The following ATXN7 variants were observed in gnomAD, a reference collection of about 807,000 sequenced individuals.
The protein encoded by ATXN7 is ataxin 7.
A neutral mutation model predicts 70.5 loss-of-function variants in ATXN7; 12 were observed. The observed-to-expected ratio is 0.17, with a 90% CI of 0.11 to 0.28. ATXN7 has a LOEUF of 0.28. Among genes scored for constraint, ATXN7 ranks in the 10% least tolerant of loss-of-function variants. The probability of loss-of-function intolerance (pLI) is 1.00; values close to 1 mark genes in which losing one functional copy is unlikely to be tolerated. For synonymous variants in ATXN7, 498 were observed against 448.7 expected (o/e 1.11, Z -1.39); for missense variants, 1,256 against 1,131.7 (o/e 1.11, Z -1.58).
intron 4 of ATXN7, among the ~76,000 whole-genome samples, chr3:63,923,217 C>G (rs1704572397): frequency 6.6e-6 from 1 of 152,210 alleles, no homozygotes; most frequent in Non-Finnish European, 1.5e-5. Flanking sequence ...GAGGATACAA[C>G]TCCACAGAAG....
chr3:63,892,495 CCACA>C (rs376915162), intron 1 of ATXN7, among the ~76,000 whole-genome samples: 15 of 126,844 alleles, frequency 1.2e-4, no homozygotes, highest in African/African-American at 1.6e-4. Flanking sequence ...ACACACACAC[CCACA>C]CACACACACA....
chr3:63,981,891 G>A (rs975369181), intron 6 of ATXN7, among the ~76,000 whole-genome samples: 2 of 152,204 alleles, frequency 1.3e-5, no homozygotes, highest in African/African-American at 2.4e-5. Flanking sequence ...TATAGAAATT[G>A]CATTGCATTG....
At position 63,912,863 on chromosome 3, in the gene ATXN7, G is replaced by C; in HGVS notation, c.265G>C (p.Val89Leu). Residue 89 changes from valine (V) to leucine (L), a missense_variant, in exon 3 of 13, where the codon GTG becomes CTG. Physicochemically the swap from Val to Leu is conservative, Grantham distance 32. Transcript: ENST00000674280. ...GCGCAGGCCTCTGCCCAGTCCTGAAGTGATGCTGGGACAGTCGTGGAATCT... is the reference window on the plus strand; with the variant it reads ...GCGCAGGCCTCTGCCCAGTCCTGAACTGATGCTGGGACAGTCGTGGAATCT... ...GERRPLPSPE[V>L]MLGQSWNLWV... The C allele has an allele frequency of 6.2e-7, 1 of 1,613,452 alleles. No homozygotes were observed. Among genetic ancestry groups the C allele is most frequent in the South Asian group, 1.1e-5 (1 of 91,084 alleles).
chr3:63,982,491 A>G lies in ATXN7; in HGVS notation c.1012+46A>G, dbSNP rs977399329. On this transcript the variant is annotated intron_variant, in intron 7 of 12. Coordinates refer to ENST00000674280, the MANE Select transcript of ATXN7 (RefSeq NM_001377405.1). ...TTCATAATGCTTCTCTATATATTAA[A>G]TGGGCATTCGTGGGGAGCAAATCAA... The G allele has an allele frequency of 6.1e-6, 9 of 1,480,670 alleles. No individual in the cohort carries two copies. In the African/African-American group the frequency reaches 9.9e-5, roughly 16 times the overall value. The allele number at this position is 1,480,670 out of a possible 1,614,324, so 91.7% of individuals were successfully genotyped here. A position where few individuals can be genotyped will look rare whatever the true frequency, so the allele number is the denominator to read the frequency against.
chr3:63,882,776 G>A (rs191255439), intron 1 of ATXN7, among the ~76,000 whole-genome samples: 1 of 152,038 alleles, frequency 6.6e-6, no homozygotes, highest in African/African-American at 2.4e-5. Context: ...ATGATTTTAG[G>A]ATCTTAGAAA....
At chr3:63,869,854 C>G (rs1231091595) in intron 1 of ATXN7, among the ~76,000 whole-genome samples, 3 of 152,270 alleles carry the variant, frequency 2.0e-5, no homozygotes, top group Non-Finnish European at 1.5e-5. Context: ...GGCAGGTATC[C>G]CAACATCTTG....
chr3:63,909,146 A>G (rs996800718), intron 2 of ATXN7, among the ~76,000 whole-genome samples: 4 of 152,196 alleles, frequency 2.6e-5, no homozygotes, highest in African/African-American at 9.7e-5. Flanking sequence ...AAAATGAATT[A>G]TTACTTAAGT....
intron 1 of ATXN7, among the ~76,000 whole-genome samples, chr3:63,870,782 A>G (rs973657940): frequency 6.6e-6 from 1 of 152,074 alleles, no homozygotes; most frequent in Non-Finnish European, 1.5e-5. Context: ...TTCTTTCCTA[A>G]AGGAAATCTG....
At position 63,989,968 on chromosome 3, in the gene ATXN7, TG is replaced by T. The variant is rs35456266; in HGVS notation, c.1362-206del. On this transcript the variant is annotated intron_variant, in intron 9 of 12. Coordinates refer to ENST00000674280, the MANE Select transcript of ATXN7 (RefSeq NM_001377405.1). Reference sequence around the variant, plus strand: ...CGTTCTAAGTTACCTTGATTGTATCTGGCAAACAGCTGAACTTAACATCCTG... The same window carrying T: ...CGTTCTAAGTTACCTTGATTGTATCTGCAAACAGCTGAACTTAACATCCTG... 6.3e-3 allele frequency among the ~76,000 whole-genome samples: 955 copies of T among 152,322 alleles called. 9 individuals carry two copies. Among genetic ancestry groups the T allele is most frequent in the African/African-American group, 0.021 (885 of 41,568 alleles).
intron 9 of ATXN7, chr3:63,988,567 G>C (rs1287508075): frequency 2.8e-5 from 14 of 494,934 alleles, no homozygotes; most frequent in South Asian, 2.2e-4. Flanking sequence ...CTCTATACTT[G>C]CTGAACATCA....
At chr3:63,902,093 A>T (rs866560323) in intron 2 of ATXN7, 1 of 152,198 alleles carries the variant, frequency 6.6e-6, no homozygotes, top group African/African-American at 2.4e-5. Flanking sequence ...GAATGTACTA[A>T]ATGTCATCAA....
At chr3:63,972,955 A>G (rs901850073) in intron 5 of ATXN7, among the ~76,000 whole-genome samples, 10 of 152,174 alleles carry the variant, frequency 6.6e-5, no homozygotes, top group Non-Finnish European at 1.3e-4. Flanking sequence ...CCAAGCTAAC[A>G]GGGGGCCTCT....
At chr3:63,894,500 C>G (rs191482601) in intron 1 of ATXN7, among the ~76,000 whole-genome samples, 2 of 152,248 alleles carry the variant, frequency 1.3e-5, no homozygotes, top group African/African-American at 2.4e-5. Context: ...AGACACAGTA[C>G]TTGGCATGGA....
intron 2 of ATXN7, among the ~76,000 whole-genome samples, chr3:63,910,404 C>T (rs1044038558): frequency 7.2e-5 from 11 of 152,098 alleles, no homozygotes; most frequent in Admixed American, 4.6e-4. Context: ...CCGTTAAAAT[C>T]CAAATTTTCG....
At chr3:63,924,769 G>A (rs577235422) in intron 4 of ATXN7, among the ~76,000 whole-genome samples, 1 of 152,190 alleles carries the variant, frequency 6.6e-6, no homozygotes, top group South Asian at 2.1e-4. Context: ...TGAAGAAGTG[G>A]AGAGGGCAAG....
intron 4 of ATXN7, among the ~76,000 whole-genome samples, chr3:63,930,198 C>G (rs1444431853): frequency 6.6e-6 from 1 of 152,182 alleles, no homozygotes; most frequent in Non-Finnish European, 1.5e-5. Flanking sequence ...AGCCCCTGTT[C>G]AGAGACAGAT....
chr3:63,953,939 G>C (rs564568438), intron 5 of ATXN7, among the ~76,000 whole-genome samples: 1 of 152,228 alleles, frequency 6.6e-6, no homozygotes, highest in East Asian at 1.9e-4. Context: ...TGAGCCACGC[G>C]CTCAGCCAAG....
At chr3:63,965,804 G>A (rs1316516970) in intron 5 of ATXN7, among the ~76,000 whole-genome samples, 1 of 152,172 alleles carries the variant, frequency 6.6e-6, no homozygotes, top group Non-Finnish European at 1.5e-5. Context: ...AGGGCATTAA[G>A]GGGGCACATG....
chr3:63,913,129 C>A, intron 3 of ATXN7, 28 bp from the exon 4 acceptor site: 2 of 1,609,440 alleles, frequency 1.2e-6, no homozygotes, highest in Non-Finnish European at 1.7e-6. Context: ...CTGCCTCTCC[C>A]CTCCTCCTGT....
Sources: allele counts gnomAD v4.1 joint callset (sites outside exome capture counted in the v4.1 genomes callset), GRCh38; gene constraint gnomAD v4.1.1; transcripts MANE v1.5; gene names NCBI Gene and HGNC (gene_info 2026-07-23, HGNC 2026-07-21).